SLC12A3: variants seen among roughly 807,000 people sequenced by gnomAD.
SLC12A3 encodes the protein solute carrier family 12 member 3.
Under a neutral mutation model 121.0 loss-of-function variants are expected in SLC12A3, and 104 were observed. That is an observed-to-expected ratio of 0.86 (90% CI 0.73 to 1.01). The LOEUF (loss-of-function observed/expected upper bound fraction) is 1.01, where lower values mean the gene tolerates loss of function less well. Among genes scored for constraint, SLC12A3 ranks in the 50% least tolerant of loss-of-function variants. SLC12A3 has a pLI of 0.00. For missense variants in SLC12A3, 1,328 were observed against 1,356.3 expected (o/e 0.98, Z 0.33); for synonymous variants, 536 against 533.4 (o/e 1.00, Z -0.07).
chr16:56,865,996 T>C (rs1311270089), intron 1 of SLC12A3, among the ~76,000 whole-genome samples: 3 of 147,260 alleles, frequency 2.0e-5, no homozygotes, highest in Admixed American at 6.7e-5. Flanking sequence ...CTTTTCTTTT[T>C]TTTTTTTGAG....
At chr16:56,874,325 C>T (rs746800154) in intron 8 of SLC12A3, among the ~76,000 whole-genome samples, 11 of 152,152 alleles carry the variant, frequency 7.2e-5, no homozygotes, top group Admixed American at 5.2e-4. Flanking sequence ...GTGCAGGAGG[C>T]GCCAGAGCTG....
intron 23 of SLC12A3, among the ~76,000 whole-genome samples, chr16:56,901,987 G>A (rs1297221831): frequency 1.3e-5 from 2 of 152,204 alleles, no homozygotes; most frequent in Non-Finnish European, 2.9e-5. Context: ...CCAGTACTTG[G>A]TTGTCCCTTC....
chr16:56,873,648 A>G (rs1266511693), intron 8 of SLC12A3, among the ~76,000 whole-genome samples: 4 of 150,012 alleles, frequency 2.7e-5, no homozygotes, highest in African/African-American at 9.8e-5. Flanking sequence ...TGGGCCTCCC[A>G]AAGTGCTGGG....
chr16:56,872,850 C>T (rs1325827725), intron 8 of SLC12A3, 64 bp downstream of exon 8: 20 of 1,602,758 alleles, frequency 1.2e-5, no homozygotes, highest in Non-Finnish European at 1.7e-5. Context: ...CAGAATCCTG[C>T]CCCCTGCTCT....
In SLC12A3 at chr16:56,899,610, C is replaced by G. The variant is rs143046588; in HGVS notation, c.2714C>G (p.Ala905Gly). Residue 905 changes from alanine (A) to glycine (G), a missense_variant, in exon 23 of 26, where the codon GCT becomes GGT. Transcript: ENST00000563236. ...ILPDINQNPR[A>G]EHTKRFEDMI... ...CCTGACATCAACCAGAACCCTCGGG[C>G]TGAGCAGTAAGTTCTGTTTTGGGGC... is the stretch of plus-strand genomic sequence containing the variant. 1 of 1,612,976 alleles carries G rather than the reference C, an allele frequency of 6.2e-7. No individual in the cohort carries two copies. Among genetic ancestry groups the G allele is most frequent in the African/African-American group, 1.3e-5 (1 of 75,032 alleles).
chr16:56,870,766 G>C, intron 6 of SLC12A3, 30 bp downstream of exon 6: 1 of 1,426,996 alleles, frequency 7.0e-7, no homozygotes, highest in Non-Finnish European at 9.9e-7. Flanking sequence ...GGGGGACATG[G>C]AGGTGGTCAC....
rs1383498704 is a variant in SLC12A3 at position 56,882,378 on chromosome 16, C to T, written c.1568-18C>T. 1 of 1,605,852 alleles carries T rather than the reference C, an allele frequency of 6.2e-7. No homozygotes were observed. The highest frequency in any genetic ancestry group is 1.3e-5 in the African/African-American group (1 of 74,856). On this transcript the variant is annotated intron_variant, in intron 12 of 25. Transcript: ENST00000563236. ...AGTTGCCCAACAGGCTGTCCTCTCT[C>T]TCCCTGGGTCCCCGAAGCTGAGCTC...
At chr16:56,892,203 G>T in intron 20 of SLC12A3, 70 bp downstream of exon 20, 1 of 1,413,406 alleles carries the variant, frequency 7.1e-7, no homozygotes, top group South Asian at 1.2e-5. Flanking sequence ...TAGCCCTGTG[G>T]GGTGGCTAGG....
Position 56,914,671 on chromosome 16 carries a change from G to T in SLC12A3, c.*1266G>T, listed in dbSNP as rs886052169. ...CAGATTGACAGAACACGTGAGGAGG[G>T]GTATTGATGGCAGGAGAGTCAAAAA... On this transcript the variant is annotated 3_prime_UTR_variant, in exon 26 of 26. Transcript: ENST00000563236. 1 of 152,262 alleles carries T rather than the reference G, an allele frequency of 6.6e-6. No homozygotes were observed. The highest frequency in any genetic ancestry group is 1.5e-5 in the Non-Finnish European group (1 of 68,082). 9.4% of individuals were successfully genotyped at this position (152,262 alleles called of 1,614,324 possible).
rs1039635722 is a variant in SLC12A3, at chr16:56,866,998, T to C, written c.283-72T>C. 1.9e-6 allele frequency: 3 copies of C among 1,589,396 alleles called. No homozygotes were observed. The African/African-American group carries it at 4.0e-5, about 21-fold the overall frequency. On this transcript the variant is annotated intron_variant, in intron 1 of 25. Coordinates refer to ENST00000563236, the MANE Select transcript of SLC12A3 (RefSeq NM_001126108.2). The stretch of plus-strand genomic sequence containing the variant: ...TCGGTATGGGGCGCAGTGGTGCAGG[T>C]CAGTGGGCTGGATGCAGAGACGCCG...
intron 6 of SLC12A3, 99 bp downstream of exon 6, chr16:56,870,835 CT>C (rs2055086065): frequency 6.0e-6 from 4 of 667,858 alleles, no homozygotes; most frequent in South Asian, 1.7e-5. Context: ...TTTTCTTTTT[CT>C]TTTCTTTTTT....
intron 25 of SLC12A3, among the ~76,000 whole-genome samples, chr16:56,911,151 G>A (rs1188568353): frequency 1.7e-4 from 26 of 152,230 alleles, no homozygotes; most frequent in Admixed American, 1.7e-3. Context: ...TTTCCTGGAT[G>A]TTGTCCGCCT....
At chr16:56,868,263 A>G (rs1167394688) in intron 2 of SLC12A3, 34 bp from the exon 3 acceptor site, 2 of 1,608,510 alleles carry the variant, frequency 1.2e-6, no homozygotes, top group African/African-American at 2.7e-5. Flanking sequence ...TGGGGTGTCC[A>G]CCCAGGTGGC....
chr16:56,901,785 C>T (rs1035507063), intron 23 of SLC12A3, among the ~76,000 whole-genome samples: 7 of 152,214 alleles, frequency 4.6e-5, no homozygotes, highest in Non-Finnish European at 8.8e-5. Context: ...CCCACCCTTC[C>T]CTGCACTCAC....
intron 8 of SLC12A3, among the ~76,000 whole-genome samples, chr16:56,873,548 G>A (rs1295629150): frequency 8.8e-5 from 13 of 148,058 alleles, no homozygotes; most frequent in Admixed American, 3.4e-4. Flanking sequence ...CACCGCACCC[G>A]GTTAATATTT....
chr16:56,887,955 A>T lies in SLC12A3; in HGVS notation c.2209A>T (p.Ile737Phe), dbSNP rs1363113686. 6.2e-7 allele frequency: 1 copy of T among 1,613,202 alleles called. No individual in the cohort carries two copies. The highest frequency in any genetic ancestry group is 1.1e-5 in the South Asian group (1 of 91,080). ...AGGTCTCGGGAGAATGAAGCCCAAC[A>T]TTCTGGTGGTTGGGTTCAAGAAGAA... The part of the protein sequence containing the change: ...AAGLGRMKPN[I>F]LVVGFKKNWQ... The change falls in exon 18 of 26, where the codon ATT becomes TTT. Residue 737 changes from isoleucine to phenylalanine, a missense_variant. Ile to Phe is a conservative substitution (Grantham distance 21). Coordinates refer to ENST00000563236, the MANE Select transcript of SLC12A3 (RefSeq NM_001126108.2).
chr16:56,876,862 T>G (rs1864469060), intron 8 of SLC12A3, among the ~76,000 whole-genome samples: 1 of 152,182 alleles, frequency 6.6e-6, no homozygotes, highest in Non-Finnish European at 1.5e-5. Flanking sequence ...GGTCTTGAAC[T>G]TACTGTAAAA....
In SLC12A3 at chr16:56,913,439, A is replaced by G. The variant is rs763950516; in HGVS notation, c.*34A>G. On this transcript the variant is annotated 3_prime_UTR_variant, in exon 26 of 26. Coordinates refer to ENST00000563236, the MANE Select transcript of SLC12A3 (RefSeq NM_001126108.2). ...TTTGACATCCCTGTCCACAGCTCTGAGTGTGTGGGATAAGTTGGAACTTGA... is the reference window on the plus strand; with the variant it reads ...TTTGACATCCCTGTCCACAGCTCTGGGTGTGTGGGATAAGTTGGAACTTGA... 6.2e-7 allele frequency: 1 copy of G among 1,610,714 alleles called. No individual in the cohort carries two copies. The highest frequency in any genetic ancestry group is 2.2e-5 in the East Asian group (1 of 44,870).
intron 21 of SLC12A3, 112 bp downstream of exon 21, chr16:56,893,166 CAGCAG>C (rs1596934391): frequency 1.2e-6 from 1 of 859,906 alleles, no homozygotes; most frequent in East Asian, 2.7e-5. Flanking sequence ...CTCCTGGGCC[CAGCAG>C]TGAGCTCAGG....
Sources: allele counts gnomAD v4.1 joint callset (sites outside exome capture counted in the v4.1 genomes callset), GRCh38; gene constraint gnomAD v4.1.1; transcripts MANE v1.5; gene names NCBI Gene and HGNC (gene_info 2026-07-23, HGNC 2026-07-21).